Variants in RASAL2 observed in about 807,000 individuals in gnomAD.
RASAL2 encodes ras GTPase-activating protein nGAP.
Under a neutral mutation model 128.9 loss-of-function variants are expected in RASAL2, and 58 were observed. That is an observed-to-expected ratio of 0.45 (90% CI 0.36 to 0.56). The LOEUF (loss-of-function observed/expected upper bound fraction) is 0.56, where lower values mean the gene tolerates loss of function less well. Ranked by LOEUF, RASAL2 falls within the 20% of genes least tolerant of loss-of-function variation. The probability of loss-of-function intolerance (pLI) is 0.00; values close to 1 mark genes in which losing one functional copy is unlikely to be tolerated. For missense variants in RASAL2, 1,360 were observed against 1,601.6 expected (o/e 0.85, Z 2.57); for synonymous variants, 561 against 580.8 (o/e 0.97, Z 0.49).
rs370030265 is a variant in RASAL2, at chr1:178,319,288, C to T, written c.457+19170C>T. ...TTATGTGTCTTGGAGTTGCTCTTCT[C>T]GAGGAGTATCTTTATGGCGTTCTCT... On this transcript the variant is annotated intron_variant, in intron 3 of 17. Coordinates refer to ENST00000367649, the MANE Select transcript of RASAL2 (RefSeq NM_170692.4). 1.6e-4 allele frequency among the ~76,000 whole-genome samples: 24 copies of T among 151,958 alleles called. No individual in the cohort carries two copies. The South Asian group carries it at 2.9e-3, about 18-fold the overall frequency.
chr1:178,187,317 T>C (rs1662338364), intron 1 of RASAL2, among the ~76,000 whole-genome samples: 1 of 152,222 alleles, frequency 6.6e-6, no homozygotes, highest in South Asian at 2.1e-4. Flanking sequence ...AATCTACTGT[T>C]CTATTCATCA....
chr1:178,379,866 A>T (rs900309182), intron 3 of RASAL2, among the ~76,000 whole-genome samples: 1 of 152,236 alleles, frequency 6.6e-6, no homozygotes, highest in African/African-American at 2.4e-5. Context: ...CAAGACTTAA[A>T]TGTAATTATG....
At chr1:178,205,010 A>G (rs1184290416) in intron 1 of RASAL2, among the ~76,000 whole-genome samples, 1 of 152,186 alleles carries the variant, frequency 6.6e-6, no homozygotes, top group Non-Finnish European at 1.5e-5. Flanking sequence ...CTTTGCTGTC[A>G]TTCATAAACT....
intron 17 of RASAL2, among the ~76,000 whole-genome samples, chr1:178,470,198 G>A (rs978189883): frequency 1.3e-5 from 2 of 152,184 alleles, no homozygotes; most frequent in African/African-American, 4.8e-5. Context: ...GAATGAAGAC[G>A]TGTTTGGGGT....
chr1:178,306,964 T>G (rs1212489018), intron 3 of RASAL2, among the ~76,000 whole-genome samples: 1 of 151,152 alleles, frequency 6.6e-6, no homozygotes, highest in Non-Finnish European at 1.5e-5. Context: ...TGTATACATA[T>G]GTAACTAACC....
chr1:178,259,438 C>G (rs772071006), intron 1 of RASAL2, among the ~76,000 whole-genome samples: 1 of 152,288 alleles, frequency 6.6e-6, no homozygotes, highest in Non-Finnish European at 1.5e-5. Flanking sequence ...CTAAAATCGT[C>G]TATGTTGATT....
intron 3 of RASAL2, among the ~76,000 whole-genome samples, chr1:178,312,643 C>G (rs1403367814): frequency 1.3e-5 from 2 of 152,078 alleles, no homozygotes; most frequent in South Asian, 2.1e-4. Context: ...TTTAATAGCT[C>G]GGTACAAGAT....
chr1:178,321,885 G>C (rs1358648281), intron 3 of RASAL2, among the ~76,000 whole-genome samples: 2 of 151,956 alleles, frequency 1.3e-5, no homozygotes, highest in South Asian at 2.1e-4. Flanking sequence ...CTACTCGGGA[G>C]GCTGAGGCAG....
intron 1 of RASAL2, among the ~76,000 whole-genome samples, chr1:178,143,523 G>A (rs930788779): frequency 2.0e-5 from 3 of 152,048 alleles, no homozygotes; most frequent in African/African-American, 7.2e-5. Flanking sequence ...AGATTCCCAA[G>A]ATACTTTAGG....
chr1:178,323,817 A>G (rs1190926936), intron 3 of RASAL2, among the ~76,000 whole-genome samples: 1 of 152,246 alleles, frequency 6.6e-6, no homozygotes, highest in Non-Finnish European at 1.5e-5. Flanking sequence ...CAAAATGAAT[A>G]TTAGGTTATT....
chr1:178,192,024 A>G lies in RASAL2; in HGVS notation c.203-91540A>G, dbSNP rs188862686. 2.2e-3 allele frequency among the ~76,000 whole-genome samples: 339 copies of G among 152,308 alleles called. 1 individual carries two copies. Among genetic ancestry groups the G allele is most frequent in the South Asian group, 9.7e-3 (47 of 4,830 alleles). On this transcript the variant is annotated intron_variant, in intron 1 of 17. Transcript: ENST00000367649. Reference sequence around the variant, plus strand: ...ACACATGCATACATTTCATAACTGTATAACACAGACTGTGGAGGTGAAGGA... The same window carrying G: ...ACACATGCATACATTTCATAACTGTGTAACACAGACTGTGGAGGTGAAGGA...
chr1:178,395,793 T>TATATATATATATATATATATATATATA lies in RASAL2; in HGVS notation c.564+5587_564+5588insATATATATATATATATATATATATATA, dbSNP rs879578177. Among the ~76,000 whole-genome samples the TATATATATATATATATATATATATATA allele has an allele frequency of 8.6e-4, 107 of 124,436 alleles. 3 individuals are homozygous for TATATATATATATATATATATATATATA. Among genetic ancestry groups the TATATATATATATATATATATATATATA allele is most frequent in the African/African-American group, 3.3e-3 (94 of 28,118 alleles). 81.6% of individuals were successfully genotyped at this position (124,436 alleles called of 152,430 possible). A position where few individuals can be genotyped will look rare whatever the true frequency, so the allele number is the denominator to read the frequency against. On this transcript the variant is annotated intron_variant, in intron 4 of 17. Coordinates refer to ENST00000367649, the MANE Select transcript of RASAL2 (RefSeq NM_170692.4). The stretch of plus-strand genomic sequence containing the variant: ...ACAGTATATATATATATATATATAT[T>TATATATATATATATATATATATATATA]TATTTATTCATATGTGTATGAATGT...
chr1:178,402,296 A>G (rs1673680276), intron 4 of RASAL2, among the ~76,000 whole-genome samples: 1 of 152,058 alleles, frequency 6.6e-6, no homozygotes, highest in South Asian at 2.1e-4. Flanking sequence ...AGGCACCTGT[A>G]GTCCCAGCTA....
chr1:178,473,424 C>T lies in RASAL2; in HGVS notation c.*185C>T. The T allele has an allele frequency of 1.5e-6, 1 of 672,302 alleles. No individual in the cohort carries two copies. The highest frequency in any genetic ancestry group is 2.0e-5 in the South Asian group (1 of 50,664). 41.6% of individuals were successfully genotyped at this position (672,302 alleles called of 1,614,324 possible). On this transcript the variant is annotated 3_prime_UTR_variant, in exon 18 of 18. Coordinates refer to ENST00000367649, the MANE Select transcript of RASAL2 (RefSeq NM_170692.4). ...AAGGCGGCGACTTCCAAGGTCAATG[C>T]TTTTCCCCCACATCTCTATGTACAT...
intron 3 of RASAL2, among the ~76,000 whole-genome samples, chr1:178,370,834 A>G (rs1485710607): frequency 6.6e-6 from 1 of 152,202 alleles, no homozygotes; most frequent in Non-Finnish European, 1.5e-5. Context: ...TAGATTAAAA[A>G]TAAATAAGAC....
chr1:178,458,289 T>A lies in RASAL2; in HGVS notation c.2997T>A (p.Ala999=). ...TGCCAGATAGACACATACCTCTTGC[T>A]TTGCCACGACAAAATAGTACTGGGC... ...HTVPDRHIPL[A]LPRQNSTGQA... is the part of the protein sequence containing the mutation. Residue 999 remains alanine (A), a synonymous_variant, in exon 14 of 18, where the codon GCT becomes GCA. Coordinates refer to ENST00000367649, the MANE Select transcript of RASAL2 (RefSeq NM_170692.4). 1 of 1,614,258 alleles carries A rather than the reference T, an allele frequency of 6.2e-7. No homozygotes were observed. Among genetic ancestry groups the A allele is most frequent in the Non-Finnish European group, 8.5e-7 (1 of 1,180,054 alleles).
intron 3 of RASAL2, among the ~76,000 whole-genome samples, chr1:178,300,487 G>A (rs1259581789): frequency 6.6e-6 from 1 of 152,152 alleles, no homozygotes; most frequent in Non-Finnish European, 1.5e-5. Flanking sequence ...GTATTAAGTG[G>A]TTTAGATGTG....
chr1:178,147,618 A>G (rs1571545174), intron 1 of RASAL2, among the ~76,000 whole-genome samples: 1 of 152,244 alleles, frequency 6.6e-6, no homozygotes, highest in East Asian at 1.9e-4. Context: ...ATGGGATTAT[A>G]TGAGGCAAGC....
chr1:178,171,200 G>A (rs1228551149), intron 1 of RASAL2, among the ~76,000 whole-genome samples: 1 of 151,886 alleles, frequency 6.6e-6, no homozygotes, highest in African/African-American at 2.4e-5. Context: ...TTGAAAAGAA[G>A]AGGAATGAAA....
Sources: allele counts gnomAD v4.1 joint callset (sites outside exome capture counted in the v4.1 genomes callset), GRCh38; gene constraint gnomAD v4.1.1; transcripts MANE v1.5; gene names NCBI Gene and HGNC (gene_info 2026-07-23, HGNC 2026-07-21).